LRFN2: variants seen among roughly 807,000 people sequenced by gnomAD.
LRFN2 encodes leucine-rich repeat and fibronectin type-III domain-containing protein 2.
In LRFN2, 18 loss-of-function variants were observed where a neutral mutation model predicts 37.3. That is an observed-to-expected ratio of 0.48 (90% CI 0.33 to 0.72). The LOEUF (loss-of-function observed/expected upper bound fraction) is 0.72. LRFN2 is among the 30% of genes least tolerant of loss of function. LRFN2 has a pLI of 0.02. For missense variants in LRFN2, 1,006 were observed against 1,060.7 expected (o/e 0.95, Z 0.72); for synonymous variants, 556 against 466.6 (o/e 1.19, Z -2.47).
chr6:40,470,054 C>A (rs1764556669), intron 1 of LRFN2, among the ~76,000 whole-genome samples: 1 of 152,194 alleles, frequency 6.6e-6, no homozygotes, highest in Non-Finnish European at 1.5e-5. Flanking sequence ...CTTTCTAGAG[C>A]ATCACATTGG....
At chr6:40,454,323 T>G (rs1181717923) in intron 1 of LRFN2, among the ~76,000 whole-genome samples, 3 of 152,058 alleles carry the variant, frequency 2.0e-5, no homozygotes, top group Non-Finnish European at 4.4e-5. Context: ...CTATAGAAAT[T>G]TTAATGCTGT....
At position 40,392,351 on chromosome 6, in the gene LRFN2, G is replaced by C; in HGVS notation, c.1962C>G (p.Asp654Glu). The part of the protein sequence containing the change: ...PSAPRPKPSL[D>E]RLMGAFASLD... ...GGGAGGCGAAGGCCCCCATCAGGCG[G>C]TCAAGGCTGGGCTTGGGGCGCGGGG... Residue 654 changes from aspartate to glutamate, a missense_variant, in exon 3 of 3, where the codon GAC (aspartate) becomes GAG (glutamate). By Grantham distance (45) the Asp-to-Glu change is conservative. Around this residue, in one of 4 missense-constraint regions of LRFN2, gnomAD observed 398 missense variants for 327.6 expected, o/e 1.21. Coordinates refer to ENST00000338305, the MANE Select transcript of LRFN2 (RefSeq NM_020737.3). This position sits in a 1 kb window ranked among gnomAD's most constrained non-coding sequence, Gnocchi z 4.7. 1.2e-6 allele frequency: 2 copies of C among 1,608,868 alleles called. No homozygotes were observed. Among genetic ancestry groups the C allele is most frequent in the Non-Finnish European group, 8.5e-7 (1 of 1,178,100 alleles).
chr6:40,525,939 G>A (rs950346542), intron 1 of LRFN2, among the ~76,000 whole-genome samples: 5 of 152,068 alleles, frequency 3.3e-5, no homozygotes, highest in South Asian at 2.1e-4. Context: ...CCAGCTACAC[G>A]TCACCATCTT....
chr6:40,493,907 ATGT>A, intron 1 of LRFN2, among the ~76,000 whole-genome samples: 1 of 152,304 alleles, frequency 6.6e-6, no homozygotes, highest in East Asian at 1.9e-4. Flanking sequence ...ATCACTAGGT[ATGT>A]CTATTGGCCA....
intron 1 of LRFN2, among the ~76,000 whole-genome samples, chr6:40,508,121 C>T (rs772620500): frequency 4.6e-5 from 7 of 152,140 alleles, no homozygotes; most frequent in Non-Finnish European, 8.8e-5. Flanking sequence ...GGGCTAGTTA[C>T]CTCCCCTCCA....
chr6:40,500,993 T>G (rs1230018884), intron 1 of LRFN2, among the ~76,000 whole-genome samples: 1 of 151,322 alleles, frequency 6.6e-6, no homozygotes. Context: ...CTCTATTGAT[T>G]AGAAAAGAAG....
intron 1 of LRFN2, among the ~76,000 whole-genome samples, chr6:40,468,983 T>C (rs1025361493): frequency 1.3e-5 from 2 of 152,156 alleles, no homozygotes; most frequent in African/African-American, 2.4e-5. Context: ...CACGTCCTAA[T>C]CCCTGAACCT....
At chr6:40,455,451 A>T (rs1184248589) in intron 1 of LRFN2, among the ~76,000 whole-genome samples, 1 of 152,246 alleles carries the variant, frequency 6.6e-6, no homozygotes, top group South Asian at 2.1e-4. Flanking sequence ...CTTCAAGAGC[A>T]GACCCTTAAG....
In LRFN2 at chr6:40,479,967, T is replaced by C. The variant is rs976492546; in HGVS notation, c.-18-46836A>G. Among the ~76,000 whole-genome samples the C allele has an allele frequency of 1.4e-4, 21 of 152,382 alleles. No homozygotes were observed. The East Asian group carries it at 3.7e-3, about 27-fold the overall frequency. The stretch of plus-strand genomic sequence containing the variant: ...CTTCTAGGAAAATGTCAAGGATTCC[T>C]GAGAATTGATGTTTGAATGCAGACA... On this transcript the variant is annotated intron_variant, in intron 1 of 2. Transcript: ENST00000338305.
chr6:40,442,825 C>G (rs1289331965), intron 1 of LRFN2, among the ~76,000 whole-genome samples: 2 of 152,158 alleles, frequency 1.3e-5, no homozygotes, highest in Non-Finnish European at 2.9e-5. Flanking sequence ...TCCCTGAACA[C>G]CCCTCCTGGT....
intron 1 of LRFN2, among the ~76,000 whole-genome samples, chr6:40,572,743 T>C (rs1737681): frequency 0.51 from 77,488 of 152,066 alleles, 20,754 homozygotes; most frequent in African/African-American, 0.67. Flanking sequence ...GCCTTTTCTA[T>C]GTTTAATCCC....
At chr6:40,510,925 C>T (rs376775844) in intron 1 of LRFN2, among the ~76,000 whole-genome samples, 1 of 152,140 alleles carries the variant, frequency 6.6e-6, no homozygotes, top group East Asian at 1.9e-4. Flanking sequence ...GGGGTGGGGG[C>T]ACTAGAGATA....
At chr6:40,560,342 C>T (rs1766969628) in intron 1 of LRFN2, among the ~76,000 whole-genome samples, 2 of 152,146 alleles carry the variant, frequency 1.3e-5, no homozygotes, top group Admixed American at 1.3e-4. Context: ...GACCAGGCAC[C>T]AGGATGCCAT....
At chr6:40,581,406 G>A (rs2473591) in intron 1 of LRFN2, among the ~76,000 whole-genome samples, 67,769 of 151,922 alleles carry the variant, frequency 0.45, 15,465 homozygotes, top group Middle Eastern at 0.56. Context: ...AGCAAGTTAC[G>A]GGCAGAGCTA....
At chr6:40,524,237 G>T (rs1766177058) in intron 1 of LRFN2, among the ~76,000 whole-genome samples, 1 of 152,168 alleles carries the variant, frequency 6.6e-6, no homozygotes, top group Non-Finnish European at 1.5e-5. Flanking sequence ...ATTTTAAAAT[G>T]TAGAAAAATC....
At chr6:40,577,717 AATG>A (rs10543833) in intron 1 of LRFN2, among the ~76,000 whole-genome samples, 72,898 of 144,766 alleles carry the variant, frequency 0.5, 18,805 homozygotes, top group Middle Eastern at 0.59. Flanking sequence ...GTTTACTGAG[AATG>A]ATGATTTCCA....
intron 1 of LRFN2, among the ~76,000 whole-genome samples, chr6:40,585,222 A>G (rs1767479788): frequency 6.6e-6 from 1 of 152,188 alleles, no homozygotes; most frequent in Non-Finnish European, 1.5e-5. Context: ...GCAGGAAGAT[A>G]AATAATTACA....
chr6:40,393,011 G>A, intron 2 of LRFN2, 99 bp from the exon 3 acceptor site: 1 of 966,940 alleles, frequency 1.0e-6, no homozygotes, highest in South Asian at 1.6e-5. Flanking sequence ...CAGAGATGGG[G>A]AGGGGGAGGG....
intron 1 of LRFN2, among the ~76,000 whole-genome samples, chr6:40,478,516 C>CTGG (rs1301509517): frequency 1.3e-5 from 2 of 152,152 alleles, no homozygotes; most frequent in Non-Finnish European, 2.9e-5. Context: ...CCCACAGTCA[C>CTGG]ACAGCTGGAA....
Sources: gnomAD v4.1 joint callset for allele counts (sites outside exome capture counted in the v4.1 genomes callset) on GRCh38, gnomAD v4.1.1 for gene constraint, gnomAD v4.1.1 regional missense constraint, Gnocchi (gnomAD v3.1) non-coding constraint, MANE v1.5 for transcripts, NCBI Gene and HGNC (gene_info 2026-07-23, HGNC 2026-07-21) for gene names.